DPH6: variants seen among roughly 807,000 people sequenced by gnomAD.
DPH6 encodes diphthine--ammonia ligase.
Under a neutral mutation model 38.2 loss-of-function variants are expected in DPH6, and 33 were observed. That is an observed-to-expected ratio of 0.86 (90% CI 0.65 to 1.15). The LOEUF (loss-of-function observed/expected upper bound fraction) is 1.15, where lower values mean the gene tolerates loss of function less well. DPH6 is among the 50% of genes most tolerant of loss of function. The pLI is 0.00. For synonymous variants in DPH6, 108 were observed against 103.0 expected, an observed-to-expected ratio of 1.05 and a Z score of -0.30; for missense variants, 325 against 320.0, an observed-to-expected ratio of 1.02 and a Z score of -0.12.
intron 3 of DPH6, among the ~76,000 whole-genome samples, chr15:35,460,889 T>A: frequency 1.7e-5 from 2 of 120,876 alleles, no homozygotes; most frequent in Non-Finnish European, 3.3e-5. Flanking sequence ...AGCAAAGAGA[T>A]ACTCACAAAC....
chr15:35,357,972 A>T (rs2052580396), intron 3 of DPH6, among the ~76,000 whole-genome samples: 1 of 152,102 alleles, frequency 6.6e-6, no homozygotes, highest in Admixed American at 6.6e-5. Flanking sequence ...GTTCCCCCAA[A>T]TATGTTTTCC....
At chr15:35,277,560 C>A (rs1276749517) in intron 3 of DPH6, among the ~76,000 whole-genome samples, 1 of 152,032 alleles carries the variant, frequency 6.6e-6, no homozygotes, top group Non-Finnish European at 1.5e-5. Context: ...GGGTAACAGG[C>A]AGAAGTTGGA....
intron 3 of DPH6, among the ~76,000 whole-genome samples, chr15:35,248,048 A>G (rs1402574060): frequency 2.0e-5 from 3 of 152,232 alleles, no homozygotes; most frequent in African/African-American, 7.2e-5. Flanking sequence ...AAGTGATGCA[A>G]TCTTTATGTA....
chr15:35,400,820 T>A, intron 6 of DPH6: 1 of 765,102 alleles, frequency 1.3e-6, no homozygotes, highest in Non-Finnish European at 2.4e-6. Flanking sequence ...ACGGACTGTG[T>A]GATAATGAGA....
At chr15:35,209,168 C>G in the DPH6 span, among the ~76,000 whole-genome samples, 4 of 151,980 alleles carry the variant, frequency 2.6e-5, no homozygotes, top group East Asian at 7.7e-4. Flanking sequence ...TTATTTAACT[C>G]ATATTAATTT....
At chr15:35,467,465 T>C (rs1048881161) in intron 3 of DPH6, among the ~76,000 whole-genome samples, 13 of 151,898 alleles carry the variant, frequency 8.6e-5, no homozygotes, top group African/African-American at 2.9e-4. Context: ...ACACAGGAGG[T>C]TGAGGCAGGA....
At chr15:35,170,647 T>C in the DPH6 span, among the ~76,000 whole-genome samples, 1 of 152,158 alleles carries the variant, frequency 6.6e-6, no homozygotes, top group Non-Finnish European at 1.5e-5. Flanking sequence ...ACATTAAACA[T>C]GGTTTGGAAT....
chr15:35,448,941 A>G (rs188730774), intron 5 of DPH6, among the ~76,000 whole-genome samples: 81 of 148,534 alleles, frequency 5.5e-4, no homozygotes, highest in Admixed American at 1.3e-3. Flanking sequence ...GGTCCACAAA[A>G]TTTTACTGAT....
At chr15:35,219,164 T>G (rs1464412765) in exon 4 of DPH6, 1 of 152,224 alleles carries the variant, frequency 6.6e-6, no homozygotes, top group Non-Finnish European at 1.5e-5. Flanking sequence ...CATCCTTTTA[T>G]GTGCTCTGTA....
intron 3 of DPH6, among the ~76,000 whole-genome samples, chr15:35,281,935 G>A (rs1183347085): frequency 1.3e-5 from 2 of 151,962 alleles, no homozygotes; most frequent in African/African-American, 4.8e-5. Flanking sequence ...TCAATTTCTT[G>A]TATATTGTCT....
At chr15:35,338,579 T>C (rs1429722465) in intron 3 of DPH6, among the ~76,000 whole-genome samples, 1 of 152,116 alleles carries the variant, frequency 6.6e-6, no homozygotes, top group Non-Finnish European at 1.5e-5. Context: ...TTTACACTAT[T>C]GGTGGGACTG....
At chr15:35,387,443 T>A (rs2052981771) in intron 6 of DPH6, among the ~76,000 whole-genome samples, 3 of 152,210 alleles carry the variant, frequency 2.0e-5, no homozygotes, top group African/African-American at 7.2e-5. Flanking sequence ...AGTATGGCCA[T>A]TTTCACGATA....
chr15:35,537,824 A>T lies in DPH6; in HGVS notation c.312+450T>A, dbSNP rs371051181. Among the ~76,000 whole-genome samples the T allele has an allele frequency of 3.0e-4, 46 of 152,170 alleles. No homozygotes were observed. In the East Asian group the frequency reaches 6.8e-3, roughly 22 times the overall value. On this transcript the variant is annotated intron_variant, in intron 3 of 8. Coordinates refer to ENST00000256538, the MANE Select transcript of DPH6 (RefSeq NM_080650.4). ...CTCATATTACTCTTCACTATCAAGC[A>T]TGTTATTTATTGTTTATTGTCTGTC...
At chr15:35,513,438 A>G (rs77655811) in intron 3 of DPH6, among the ~76,000 whole-genome samples, 3,684 of 152,078 alleles carry the variant, frequency 0.024, 140 homozygotes, top group African/African-American at 0.079. Context: ...GAAAGAGCCA[A>G]CTCTCTAAGA....
chr15:35,258,662 ACT>A (rs2051723409), intron 3 of DPH6, among the ~76,000 whole-genome samples: 1 of 151,900 alleles, frequency 6.6e-6, no homozygotes, highest in African/African-American at 2.4e-5. Context: ...CAAAATAGAA[ACT>A]CTATTTTCTT....
chr15:35,297,620 T>G (rs948178630), intron 3 of DPH6, among the ~76,000 whole-genome samples: 1 of 152,120 alleles, frequency 6.6e-6, no homozygotes, highest in African/African-American at 2.4e-5. Context: ...TTCTCTATCT[T>G]TTCTCTATAG....
chr15:35,285,872 G>GGTTTTTTTTTT (rs1555391167), intron 3 of DPH6, among the ~76,000 whole-genome samples: 2 of 52,814 alleles, frequency 3.8e-5, no homozygotes, highest in African/African-American at 1.5e-4. Context: ...TTATCTTTGA[G>GGTTTTTTTTTT]TTTTTTTTTT....
At chr15:35,171,697 G>T in the DPH6 span, among the ~76,000 whole-genome samples, 21 of 152,028 alleles carry the variant, frequency 1.4e-4, no homozygotes, top group African/African-American at 5.1e-4. Flanking sequence ...GGGAACAGAA[G>T]TGCTGCAGAC....
downstream of DPH6, among the ~76,000 whole-genome samples, chr15:35,214,670 C>T (rs1439112075): frequency 4.6e-5 from 7 of 152,106 alleles, no homozygotes; most frequent in South Asian, 2.1e-4. Flanking sequence ...TGCAGCGGCA[C>T]GATCTCAGCT....
Sources: allele counts gnomAD v4.1 joint callset (sites outside exome capture counted in the v4.1 genomes callset), GRCh38; gene constraint gnomAD v4.1.1; transcripts MANE v1.5; gene names NCBI Gene and HGNC (gene_info 2026-07-23, HGNC 2026-07-21).